ANKFN1: variants seen among roughly 807,000 people sequenced by gnomAD.
ANKFN1 encodes ankyrin repeat and fibronectin type-III domain-containing protein 1.
Under a neutral mutation model 108.7 loss-of-function variants are expected in ANKFN1, and 74 were observed. The observed-to-expected ratio is 0.68, with a 90% CI of 0.56 to 0.83. ANKFN1 has a LOEUF of 0.83. Ranked by LOEUF, ANKFN1 falls within the 40% of genes least tolerant of loss-of-function variation. The pLI is 0.00. For synonymous variants in ANKFN1, 547 were observed against 516.2 expected, an observed-to-expected ratio of 1.06 and a Z score of -0.81; for missense variants, 1,505 against 1,382.3, an observed-to-expected ratio of 1.09 and a Z score of -1.41.
chr17:56,360,781 T>C (rs577142212), intron 6 of ANKFN1, among the ~76,000 whole-genome samples: 2 of 152,332 alleles, frequency 1.3e-5, no homozygotes, highest in Admixed American at 6.5e-5. Flanking sequence ...GATAGTTGCA[T>C]TTTTCTGGTT....
intron 4 of ANKFN1, among the ~76,000 whole-genome samples, chr17:56,127,251 G>A (rs1337398872): frequency 6.6e-6 from 1 of 152,136 alleles, no homozygotes; most frequent in African/African-American, 2.4e-5. Context: ...CTCATATGTA[G>A]GAGAGGCGGG....
chr17:56,344,848 A>T (rs1303770881), intron 4 of ANKFN1, among the ~76,000 whole-genome samples: 1 of 151,848 alleles, frequency 6.6e-6, no homozygotes, highest in Non-Finnish European at 1.5e-5. Flanking sequence ...CCAGTGGCTG[A>T]CAGGCTACTG....
chr17:56,389,677 T>G (rs1218322439), intron 8 of ANKFN1, among the ~76,000 whole-genome samples: 1 of 152,232 alleles, frequency 6.6e-6, no homozygotes, highest in East Asian at 1.9e-4. Context: ...ACTAAGGTTT[T>G]ATGTCAGTTG....
chr17:56,053,734 T>C (rs1440800459), intron 4 of ANKFN1, among the ~76,000 whole-genome samples: 3 of 152,214 alleles, frequency 2.0e-5, no homozygotes, highest in Non-Finnish European at 4.4e-5. Flanking sequence ...CTCCGAACTG[T>C]TCTTCACAGT....
intron 4 of ANKFN1, among the ~76,000 whole-genome samples, chr17:56,080,160 A>T (rs977817778): frequency 1.3e-5 from 2 of 152,216 alleles, no homozygotes; most frequent in African/African-American, 4.8e-5. Flanking sequence ...AGGGAGACAG[A>T]TACTCTCATC....
At chr17:56,418,826 A>C (rs973414435) in intron 8 of ANKFN1, among the ~76,000 whole-genome samples, 4 of 152,014 alleles carry the variant, frequency 2.6e-5, no homozygotes, top group East Asian at 3.9e-4. Flanking sequence ...ATCACAAGAA[A>C]CCACAGAGAG....
intron 1 of ANKFN1, among the ~76,000 whole-genome samples, chr17:56,208,877 T>TTTATTA (rs1044971833): frequency 2.0e-5 from 3 of 151,746 alleles, no homozygotes; most frequent in Non-Finnish European, 4.4e-5. Context: ...CCTCTTTTAT[T>TTTATTA]TTATTATTAT....
At chr17:56,226,201 A>C (rs1916255799) in intron 2 of ANKFN1, among the ~76,000 whole-genome samples, 1 of 152,140 alleles carries the variant, frequency 6.6e-6, no homozygotes, top group Admixed American at 6.6e-5. Flanking sequence ...TTGTTGGGTC[A>C]AACTATAGAA....
At chr17:56,349,650 C>T (rs1474960756) in intron 4 of ANKFN1, among the ~76,000 whole-genome samples, 1 of 152,052 alleles carries the variant, frequency 6.6e-6, no homozygotes, top group East Asian at 1.9e-4. Context: ...TTCCTAGATA[C>T]TAGGCTCCTA....
At chr17:56,430,978 C>T (rs974144838) in intron 8 of ANKFN1, among the ~76,000 whole-genome samples, 19 of 152,006 alleles carry the variant, frequency 1.2e-4, no homozygotes, top group African/African-American at 4.6e-4. Flanking sequence ...AAATAGAAGT[C>T]GGAGGTCGGA....
At chr17:56,199,225 A>G (rs1448353337) in intron 1 of ANKFN1, among the ~76,000 whole-genome samples, 1 of 151,106 alleles carries the variant, frequency 6.6e-6, no homozygotes, top group Non-Finnish European at 1.5e-5. Flanking sequence ...TAATCCAAAT[A>G]CAATTTTTCC....
At chr17:56,369,101 G>A (rs907702828) in intron 6 of ANKFN1, among the ~76,000 whole-genome samples, 4 of 152,162 alleles carry the variant, frequency 2.6e-5, no homozygotes, top group East Asian at 1.9e-4. Context: ...AGCTATTTAC[G>A]CACACCTTTC....
chr17:56,073,324 T>G (rs912680387), intron 4 of ANKFN1, among the ~76,000 whole-genome samples: 1 of 152,260 alleles, frequency 6.6e-6, no homozygotes, highest in Non-Finnish European at 1.5e-5. Context: ...CGTTTTATTA[T>G]GAAAATTTTC....
chr17:56,094,236 AG>A (rs1905473411), intron 4 of ANKFN1, among the ~76,000 whole-genome samples: 1 of 151,010 alleles, frequency 6.6e-6, no homozygotes, highest in Non-Finnish European at 1.5e-5. Context: ...TAGAACTGTG[AG>A]ATGCACTTTG....
chr17:56,434,806 G>A (rs1247762632), intron 8 of ANKFN1, among the ~76,000 whole-genome samples: 1 of 151,522 alleles, frequency 6.6e-6, no homozygotes, highest in Non-Finnish European at 1.5e-5. Context: ...TCTTCTTCTT[G>A]TGCTATGGTT....
chr17:56,385,542 A>C (rs1166894304), intron 8 of ANKFN1, among the ~76,000 whole-genome samples: 1 of 152,196 alleles, frequency 6.6e-6, no homozygotes, highest in Non-Finnish European at 1.5e-5. Flanking sequence ...CAACCTACAA[A>C]ATGGGAGAAA....
chr17:56,302,367 A>C (rs746597606), intron 3 of ANKFN1, among the ~76,000 whole-genome samples: 1 of 152,028 alleles, frequency 6.6e-6, no homozygotes, highest in Non-Finnish European at 1.5e-5. Context: ...TCTACAAAAA[A>C]TTAAAAACTT....
chr17:56,487,302 C>G (rs532533499), intron 18 of ANKFN1, among the ~76,000 whole-genome samples: 2 of 152,078 alleles, frequency 1.3e-5, no homozygotes, highest in Non-Finnish European at 2.9e-5. Context: ...ACAAGCATTA[C>G]TATTTACAAA....
chr17:56,286,228 G>T (rs1325701545), intron 3 of ANKFN1, among the ~76,000 whole-genome samples: 2 of 152,038 alleles, frequency 1.3e-5, no homozygotes, highest in East Asian at 3.9e-4. Context: ...AGAAAACTAT[G>T]ATGTTATCCT....
Sources: gnomAD v4.1 joint callset for allele counts (sites outside exome capture counted in the v4.1 genomes callset) on GRCh38, gnomAD v4.1.1 for gene constraint, MANE v1.5 for transcripts, NCBI Gene and HGNC (gene_info 2026-07-23, HGNC 2026-07-21) for gene names.